Variants in EIF4G3 observed in about 807,000 individuals in gnomAD.
EIF4G3 encodes eukaryotic translation initiation factor 4 gamma 3.
In EIF4G3, 34 loss-of-function variants were observed where a neutral mutation model predicts 186.4. That is an observed-to-expected ratio of 0.18 (90% CI 0.14 to 0.24). The LOEUF (loss-of-function observed/expected upper bound fraction) is 0.24. Ranked by LOEUF, EIF4G3 falls within the 10% of genes least tolerant of loss-of-function variation. EIF4G3 has a pLI of 1.00. For missense variants in EIF4G3, 1,536 were observed against 1,948.5 expected (o/e 0.79, Z 3.99); for synonymous variants, 673 against 679.5 (o/e 0.99, Z 0.15).
At chr1:20,855,092 A>G (rs1158969503) in intron 25 of EIF4G3, 21 bp from the exon 26 acceptor site, 2 of 1,517,508 alleles carry the variant, frequency 1.3e-6, no homozygotes, top group African/African-American at 1.4e-5. Flanking sequence ...AGGGACCACA[A>G]GTCAATTATA....
At chr1:21,133,964 GA>G (rs1265027795) in intron 2 of EIF4G3, among the ~76,000 whole-genome samples, 1 of 152,176 alleles carries the variant, frequency 6.6e-6, no homozygotes, top group Non-Finnish European at 1.5e-5. Flanking sequence ...ACTTACTGCG[GA>G]GATTTACACC....
At chr1:20,978,154 G>A (rs1390475169) in intron 10 of EIF4G3, among the ~76,000 whole-genome samples, 2 of 152,008 alleles carry the variant, frequency 1.3e-5, no homozygotes, top group African/African-American at 2.4e-5. Context: ...TAATTACTTG[G>A]ATTTAAGTTT....
chr1:20,835,541 CA>C (rs1388685370), intron 30 of EIF4G3, among the ~76,000 whole-genome samples: 3 of 152,026 alleles, frequency 2.0e-5, no homozygotes, highest in Non-Finnish European at 4.4e-5. Flanking sequence ...GGAGATATTA[CA>C]ACTGATACCA....
intron 10 of EIF4G3, among the ~76,000 whole-genome samples, chr1:20,979,533 T>C (rs181183298): frequency 2.6e-5 from 4 of 151,990 alleles, no homozygotes; most frequent in Admixed American, 2.6e-4. Context: ...TGGTAGGAAA[T>C]GTTTGGAGAA....
At chr1:20,825,464 T>C (rs1392674511) in intron 32 of EIF4G3, among the ~76,000 whole-genome samples, 1 of 152,088 alleles carries the variant, frequency 6.6e-6, no homozygotes, top group Non-Finnish European at 1.5e-5. Flanking sequence ...AACAAACTTT[T>C]CCTCACTGAT....
At chr1:21,094,765 T>TATAATAATAATAATAATA (rs368168938) in intron 2 of EIF4G3, among the ~76,000 whole-genome samples, 6 of 140,896 alleles carry the variant, frequency 4.3e-5, no homozygotes, top group Non-Finnish European at 7.6e-5. Context: ...GAACTTAAAG[T>TATAATAATAATAATAATA]ATAATAATAA....
Position 20,814,788 on chromosome 1 carries a change from T to TC in EIF4G3, c.4516-1550dup, listed in dbSNP as rs1186795009. Among the ~76,000 whole-genome samples the TC allele has an allele frequency of 4.7e-3, 149 of 31,860 alleles. 4 individuals carry two copies. The highest frequency in any genetic ancestry group is 0.02 in the African/African-American group (146 of 7,164). 20.9% of individuals were successfully genotyped at this position (31,860 alleles called of 152,430 possible). A position where few individuals can be genotyped will look rare whatever the true frequency, so the allele number is the denominator to read the frequency against. On this transcript the variant is annotated intron_variant, in intron 34 of 36. Transcript: ENST00000602326. The stretch of plus-strand genomic sequence containing the variant: ...CCCCCTCCCCCTCCCCCTCCCCCTC[T>TC]CCCTCTCCCCACAGTCTCCTTCCAC...
intron 2 of EIF4G3, among the ~76,000 whole-genome samples, chr1:21,128,198 C>T (rs1352934708): frequency 1.4e-5 from 2 of 146,676 alleles, no homozygotes; most frequent in Non-Finnish European, 3.0e-5. Flanking sequence ...CAGAGCAAGA[C>T]TCCGTCTCAA....
At chr1:21,012,494 A>G (rs554475150) in intron 4 of EIF4G3, among the ~76,000 whole-genome samples, 14 of 152,370 alleles carry the variant, frequency 9.2e-5, no homozygotes, top group African/African-American at 3.4e-4. Flanking sequence ...CATCACCAAG[A>G]TAACAGACTA....
chr1:20,929,719 C>G (rs2095194312), intron 14 of EIF4G3: 1 of 152,122 alleles, frequency 6.6e-6, no homozygotes, highest in Admixed American at 6.5e-5. Context: ...CTATTATTAT[C>G]TTCATTTTTC....
chr1:21,124,193 A>T (rs1424515360), intron 2 of EIF4G3, among the ~76,000 whole-genome samples: 2 of 152,044 alleles, frequency 1.3e-5, no homozygotes, highest in African/African-American at 4.8e-5. Flanking sequence ...TGGGAGGCAG[A>T]GGCAGAAGTG....
intron 4 of EIF4G3, among the ~76,000 whole-genome samples, chr1:21,006,522 T>C (rs2085130679): frequency 1.3e-5 from 2 of 152,254 alleles, no homozygotes; most frequent in African/African-American, 4.8e-5. Context: ...CTCACTTTCA[T>C]TATTAATTTT....
At chr1:21,104,447 T>C (rs2096579502) in intron 2 of EIF4G3, among the ~76,000 whole-genome samples, 1 of 152,132 alleles carries the variant, frequency 6.6e-6, no homozygotes, top group Non-Finnish European at 1.5e-5. Flanking sequence ...GACATATACA[T>C]GGCCAACAAG....
chr1:20,892,138 A>G (rs1362004889), intron 18 of EIF4G3, among the ~76,000 whole-genome samples: 1 of 152,242 alleles, frequency 6.6e-6, no homozygotes, highest in Non-Finnish European at 1.5e-5. Flanking sequence ...CTTATTTCAA[A>G]GCAGGTTTCA....
chr1:20,855,217 G>A lies in EIF4G3; in HGVS notation c.3340-146C>T, dbSNP rs2074526444. ...GCCAATTTAATAGAAACAGAAATTG[G>A]AGCTGTTCTCATTAAACTGGGATCC... On this transcript the variant is annotated intron_variant, in intron 25 of 36. Coordinates refer to ENST00000602326, the MANE Select transcript of EIF4G3 (RefSeq NM_001391906.1). 5.1e-6 allele frequency: 3 copies of A among 593,564 alleles called. No individual in the cohort carries two copies. In the East Asian group the frequency reaches 9.3e-5, roughly 18 times the overall value. The allele number at this position is 593,564 out of a possible 1,614,324, so 36.8% of individuals were successfully genotyped here.
chr1:20,991,093 T>C (rs565792149), intron 7 of EIF4G3, among the ~76,000 whole-genome samples: 3 of 152,354 alleles, frequency 2.0e-5, no homozygotes, highest in Admixed American at 6.5e-5. Flanking sequence ...GTCAATTTGA[T>C]AATCTGTTAA....
At chr1:21,007,538 C>CAAAAAAAAAAAAAAAAAAAAAAAA (rs1471121881) in intron 4 of EIF4G3, among the ~76,000 whole-genome samples, 2 of 58,488 alleles carry the variant, frequency 3.4e-5, no homozygotes, top group African/African-American at 5.1e-5. Flanking sequence ...AAAAAAAAAA[C>CAAAAAAAAAAAAAAAAAAAAAAAA]ACACTCAAAA....
rs572954537 is a variant in EIF4G3, at chr1:21,111,167, C to T, written c.-271-21954G>A. On this transcript the variant is annotated intron_variant, in intron 2 of 36. Coordinates refer to ENST00000602326, the MANE Select transcript of EIF4G3 (RefSeq NM_001391906.1). Reference sequence around the variant, plus strand: ...CTTAATCTGTCACTGAATGTAAACACAGGATACATTTCAGGACAAAATGAA... The same window carrying T: ...CTTAATCTGTCACTGAATGTAAACATAGGATACATTTCAGGACAAAATGAA... 5.3e-5 allele frequency among the ~76,000 whole-genome samples: 8 copies of T among 152,284 alleles called. No homozygotes were observed. In the South Asian group the frequency reaches 1.7e-3, roughly 32 times the overall value.
chr1:20,808,675 C>T (rs373631545), intron 36 of EIF4G3, among the ~76,000 whole-genome samples: 7 of 151,710 alleles, frequency 4.6e-5, no homozygotes, highest in Non-Finnish European at 8.8e-5. Context: ...AGCGAGAGTC[C>T]GTCTCAAAAA....
Sources: gnomAD v4.1 joint callset for allele counts (sites outside exome capture counted in the v4.1 genomes callset) on GRCh38, gnomAD v4.1.1 for gene constraint, MANE v1.5 for transcripts, NCBI Gene and HGNC (gene_info 2026-07-23, HGNC 2026-07-21) for gene names.